NRCAM: variants seen among roughly 807,000 people sequenced by gnomAD.
NRCAM encodes the protein neuronal cell adhesion molecule.
Under a neutral mutation model 156.5 loss-of-function variants are expected in NRCAM, and 83 were observed. That is an observed-to-expected ratio of 0.53 (90% CI 0.44 to 0.64). The LOEUF (loss-of-function observed/expected upper bound fraction) is 0.64. Ranked by LOEUF, NRCAM falls within the 30% of genes least tolerant of loss-of-function variation. The probability of loss-of-function intolerance (pLI) is 0.00; values close to 1 mark genes in which losing one functional copy is unlikely to be tolerated. For synonymous variants in NRCAM, 538 were observed against 563.9 expected, an observed-to-expected ratio of 0.95 and a Z score of 0.65; for missense variants, 1,417 against 1,597.3, an observed-to-expected ratio of 0.89 and a Z score of 1.92.
In NRCAM at chr7:108,291,391, T is replaced by C. The variant is rs1056060019; in HGVS notation, c.-107+21274A>G. Among the ~76,000 whole-genome samples the C allele has an allele frequency of 4.6e-5, 7 of 152,312 alleles. No individual in the cohort carries two copies. In the South Asian group the frequency reaches 6.2e-4, roughly 14 times the overall value. On this transcript the variant is annotated intron_variant, in intron 3 of 32. Transcript: ENST00000379028. ...AACAAGCAAATGCTTAGAGGTCATA[T>C]GCCTGATGCTATATAATTAGAAAAC...
intron 30 of NRCAM, among the ~76,000 whole-genome samples, chr7:108,165,766 T>A (rs2053678440): frequency 6.6e-6 from 1 of 152,258 alleles, no homozygotes; most frequent in Admixed American, 6.5e-5. Context: ...TATATTTTTC[T>A]AAATTGTAAA....
intron 2 of NRCAM, among the ~76,000 whole-genome samples, chr7:108,347,032 G>GTTTTTTTTTTTTTTTTTTTTT (rs754160030): frequency 1.2e-5 from 1 of 83,052 alleles, no homozygotes; most frequent in African/African-American, 4.8e-5. Context: ...TTATATTTCT[G>GTTTTTTTTTTTTTTTTTTTTT]TTTTTTTTTT....
Position 108,223,817 on chromosome 7 carries a change from C to T in NRCAM, c.798G>A (p.Arg266=), listed in dbSNP as rs748605971. Residue 266 remains arginine, a synonymous_variant, in exon 11 of 33, where the codon AGG becomes AGA. Transcript: ENST00000379028. ...CTTCTGGAGTTAAAAATGTTGGTGG[C>T]CTCTCTCTACTTGATTTAGCTGCAA... ...EFYGAKSSRE[R]PPTFLTPEGN... is the part of the protein sequence containing the mutation. 4.4e-6 allele frequency: 7 copies of T among 1,597,036 alleles called. No homozygotes were observed. The highest frequency in any genetic ancestry group is 1.7e-4 in the Middle Eastern group (1 of 6,042).
At chr7:108,260,021 C>A (rs1189314135) in intron 3 of NRCAM, among the ~76,000 whole-genome samples, 1 of 151,992 alleles carries the variant, frequency 6.6e-6, no homozygotes, top group Non-Finnish European at 1.5e-5. Context: ...TTTAAAAAAG[C>A]TTTTTGAAAA....
intron 1 of NRCAM, among the ~76,000 whole-genome samples, chr7:108,446,406 C>T (rs781645565): frequency 1.8e-4 from 28 of 152,316 alleles, no homozygotes; most frequent in South Asian, 8.3e-4. Flanking sequence ...CAAAGATCCA[C>T]CTGACATTCT....
In NRCAM at chr7:108,377,787, C is replaced by G. The variant is rs1306389183; in HGVS notation, c.-174+21649G>C. Among the ~76,000 whole-genome samples, 6 of 151,908 alleles carry G rather than the reference C, an allele frequency of 3.9e-5. No individual in the cohort carries two copies. The East Asian group carries it at 1.2e-3, about 29-fold the overall frequency. On this transcript the variant is annotated intron_variant, in intron 2 of 32. Coordinates refer to ENST00000379028, the MANE Select transcript of NRCAM (RefSeq NM_001037132.4). ...CACATTCTGAAATCCAACTAAACACCTAAACATTCTGGAAAAATACAAAAG... is the reference window on the plus strand; with the variant it reads ...CACATTCTGAAATCCAACTAAACACGTAAACATTCTGGAAAAATACAAAAG...
At position 108,316,438 on chromosome 7, in the gene NRCAM, C is replaced by T. The variant is rs555833156; in HGVS notation, c.-173-3707G>A. Among the ~76,000 whole-genome samples, 22 of 152,232 alleles carry T rather than the reference C, an allele frequency of 1.4e-4. No homozygotes were observed. In the East Asian group the frequency reaches 2.9e-3, roughly 20 times the overall value. The stretch of plus-strand genomic sequence containing the variant: ...GTTGCACAAAACAGACTGAGACATT[C>T]GTGCTTGGTATACTTCATGGTTTCA... On this transcript the variant is annotated intron_variant, in intron 2 of 32. Transcript: ENST00000379028.
chr7:108,325,606 T>A (rs2099059752), intron 2 of NRCAM, among the ~76,000 whole-genome samples: 1 of 152,122 alleles, frequency 6.6e-6, no homozygotes, highest in Admixed American at 6.6e-5. Flanking sequence ...CCCACCTCCA[T>A]TCTCTGCTTT....
intron 22 of NRCAM, 148 bp from the exon 23 acceptor site, chr7:108,183,068 T>G (rs2064378100): frequency 5.9e-6 from 4 of 677,988 alleles, no homozygotes; most frequent in African/African-American, 3.6e-5. Context: ...CCAGGGACCT[T>G]CTATCAATTG....
intron 2 of NRCAM, among the ~76,000 whole-genome samples, chr7:108,381,357 C>T (rs1379019622): frequency 1.3e-5 from 2 of 151,982 alleles, no homozygotes; most frequent in Non-Finnish European, 2.9e-5. Context: ...ATTGCATATC[C>T]TAAATCACAT....
chr7:108,401,301 G>A (rs2099791901), intron 1 of NRCAM, among the ~76,000 whole-genome samples: 1 of 152,030 alleles, frequency 6.6e-6, no homozygotes, highest in South Asian at 2.1e-4. Flanking sequence ...ACCACTTTAG[G>A]AGGCTGAGGC....
intron 2 of NRCAM, among the ~76,000 whole-genome samples, chr7:108,398,547 A>G (rs902617577): frequency 1.3e-5 from 2 of 152,048 alleles, no homozygotes; most frequent in Non-Finnish European, 2.9e-5. Context: ...CACATATGCC[A>G]TAACTTCTTA....
chr7:108,189,490 A>G (rs1271570063), intron 20 of NRCAM, among the ~76,000 whole-genome samples, 155 bp downstream of exon 20: 2 of 152,228 alleles, frequency 1.3e-5, no homozygotes, highest in African/African-American at 4.8e-5. Context: ...TCAGCTCTGA[A>G]GAGAGGAAGG....
intron 1 of NRCAM, among the ~76,000 whole-genome samples, chr7:108,422,519 T>G (rs536397001): frequency 8.5e-5 from 13 of 152,108 alleles, no homozygotes; most frequent in African/African-American, 2.9e-4. Flanking sequence ...AGACGCAGAG[T>G]GTGTAATATA....
chr7:108,367,358 G>C (rs966072262), intron 2 of NRCAM, among the ~76,000 whole-genome samples: 7 of 152,078 alleles, frequency 4.6e-5, no homozygotes, highest in African/African-American at 1.4e-4. Context: ...TCTGATTAAA[G>C]CTTGAAGAAT....
chr7:108,383,325 C>T (rs991415625), intron 2 of NRCAM, among the ~76,000 whole-genome samples: 2 of 152,166 alleles, frequency 1.3e-5, no homozygotes, highest in Non-Finnish European at 2.9e-5. Flanking sequence ...AGAAAGGGAA[C>T]CTGCTAATGC....
intron 3 of NRCAM, among the ~76,000 whole-genome samples, chr7:108,291,648 A>C (rs1266351423): frequency 1.3e-5 from 2 of 152,142 alleles, no homozygotes; most frequent in Non-Finnish European, 2.9e-5. Context: ...GCCTGAAACT[A>C]ATATATCACC....
intron 3 of NRCAM, among the ~76,000 whole-genome samples, chr7:108,259,790 C>T (rs570657449): frequency 6.6e-6 from 1 of 152,238 alleles, no homozygotes; most frequent in South Asian, 2.1e-4. Flanking sequence ...GGGAGCTGAA[C>T]AATGAGAACA....
intron 2 of NRCAM, among the ~76,000 whole-genome samples, chr7:108,363,557 A>G (rs1270257642): frequency 6.6e-6 from 1 of 152,100 alleles, no homozygotes; most frequent in Non-Finnish European, 1.5e-5. Flanking sequence ...CCAACCCTCT[A>G]CTTCTTAAGT....
Sources: gnomAD v4.1 joint callset for allele counts (sites outside exome capture counted in the v4.1 genomes callset) on GRCh38, gnomAD v4.1.1 for gene constraint, MANE v1.5 for transcripts, NCBI Gene and HGNC (gene_info 2026-07-23, HGNC 2026-07-21) for gene names.